The following DPF3 variants were observed in gnomAD, a reference collection of about 807,000 sequenced individuals.
DPF3 encodes the protein zinc finger protein DPF3.
In DPF3, 18 loss-of-function variants were observed where a neutral mutation model predicts 56.8. The ratio of observed to expected loss-of-function variants is 0.32; its 90% CI spans 0.22 to 0.47. The LOEUF is 0.47. DPF3 is among the 20% of genes least tolerant of loss of function. DPF3 has a pLI of 1.00. For missense variants in DPF3, 403 were observed against 488.8 expected (o/e 0.82, Z 1.65); for synonymous variants, 188 against 180.2 (o/e 1.04, Z -0.35).
At chr14:72,825,193 C>G (rs1327528526) in intron 1 of DPF3, among the ~76,000 whole-genome samples, 1 of 152,148 alleles carries the variant, frequency 6.6e-6, no homozygotes, top group Non-Finnish European at 1.5e-5. Context: ...CAGCCTATGC[C>G]TTGTCTTATA....
chr14:72,661,937 C>G (rs1886235148), intron 8 of DPF3: 2 of 974,982 alleles, frequency 2.1e-6, no homozygotes, highest in Admixed American at 6.9e-5. Flanking sequence ...GGGATATATT[C>G]CATCAATAGA....
At chr14:72,642,641 C>G (rs1330047264) in intron 8 of DPF3, among the ~76,000 whole-genome samples, 1 of 152,140 alleles carries the variant, frequency 6.6e-6, no homozygotes, top group African/African-American at 2.4e-5. Context: ...TGGCATGGCC[C>G]GAGGAGACTC....
intron 6 of DPF3, among the ~76,000 whole-genome samples, chr14:72,709,355 G>C (rs1257872465): frequency 6.6e-6 from 1 of 152,166 alleles, no homozygotes; most frequent in Non-Finnish European, 1.5e-5. Context: ...TTTGCCTTTT[G>C]TCACTAATCT....
At chr14:72,746,432 G>C (rs534511401) in intron 3 of DPF3, among the ~76,000 whole-genome samples, 4 of 152,212 alleles carry the variant, frequency 2.6e-5, no homozygotes, top group East Asian at 3.9e-4. Context: ...ACTCAGAAGA[G>C]GATTGGGAAA....
intron 1 of DPF3, among the ~76,000 whole-genome samples, chr14:72,840,899 C>T (rs1884518607): frequency 6.6e-6 from 1 of 152,188 alleles, no homozygotes; most frequent in South Asian, 2.1e-4. Flanking sequence ...CCACATCATC[C>T]TTAAAATTCT....
rs1340324180 is a variant in DPF3, at chr14:72,618,329, GCTGCAGCCCC to G, written c.*958_*967del. On this transcript the variant is annotated 3_prime_UTR_variant, in exon 11 of 11. Coordinates refer to ENST00000556509, the MANE Select transcript of DPF3 (RefSeq NM_001280542.3). ...GCATCAATACTGAAGGTTTCTCAAA[GCTGCAGCCCC>G]CTGTATCCAGCATTCGGACACATGA... 2.6e-5 allele frequency among the ~76,000 whole-genome samples: 4 copies of G among 152,218 alleles called. No homozygotes were observed. The highest frequency in any genetic ancestry group is 1.5e-5 in the Non-Finnish European group (1 of 68,038).
At chr14:72,639,362 T>C (rs1885477033) in intron 8 of DPF3, among the ~76,000 whole-genome samples, 1 of 152,174 alleles carries the variant, frequency 6.6e-6, no homozygotes, top group Admixed American at 6.5e-5. Context: ...AAGGACACCA[T>C]ACTCTTTTGT....
At chr14:72,824,889 CT>C (rs891296121) in intron 1 of DPF3, among the ~76,000 whole-genome samples, 2 of 150,072 alleles carry the variant, frequency 1.3e-5, no homozygotes, top group Non-Finnish European at 1.5e-5. Flanking sequence ...TCCTATATGC[CT>C]TTTTTTTTAT....
rs1044775060 is a variant in DPF3 at position 72,610,339 on chromosome 14, G to A, written c.*8958C>T. ...GTAGGCAGCTCATTCCCAGGGACCT[G>A]GTCATCCTTCCTACCATAGGAGCCA... is the stretch of plus-strand genomic sequence containing the variant. On this transcript the variant is annotated 3_prime_UTR_variant, in exon 11 of 11. Transcript: ENST00000556509. Among the ~76,000 whole-genome samples, 3 of 152,168 alleles carry A rather than the reference G, an allele frequency of 2.0e-5. No individual in the cohort carries two copies. The highest frequency in any genetic ancestry group is 7.2e-5 in the African/African-American group (3 of 41,442).
intron 8 of DPF3, chr14:72,671,487 G>C: frequency 8.9e-7 from 1 of 1,121,608 alleles, no homozygotes; most frequent in Non-Finnish European, 1.3e-6. Context: ...ATCACCTGGT[G>C]ACGGGGATTT....
At chr14:72,767,258 G>A (rs1891326230) in intron 2 of DPF3, among the ~76,000 whole-genome samples, 1 of 152,124 alleles carries the variant, frequency 6.6e-6, no homozygotes, top group African/African-American at 2.4e-5. Flanking sequence ...CCAAGATTCA[G>A]TCAAAGCCAC....
intron 4 of DPF3, among the ~76,000 whole-genome samples, chr14:72,731,195 A>C (rs1400236641): frequency 6.6e-6 from 1 of 151,760 alleles, no homozygotes; most frequent in Non-Finnish European, 1.5e-5. Context: ...GAAAAAGAAA[A>C]AGAAACGGTA....
intron 1 of DPF3, among the ~76,000 whole-genome samples, chr14:72,855,087 A>G (rs1351829844): frequency 6.6e-6 from 1 of 152,214 alleles, no homozygotes; most frequent in Non-Finnish European, 1.5e-5. Context: ...AATATGAAAA[A>G]GTAACAGGTA....
chr14:72,718,666 T>TA (rs1889034647), intron 5 of DPF3, among the ~76,000 whole-genome samples: 1 of 152,120 alleles, frequency 6.6e-6, no homozygotes, highest in African/African-American at 2.4e-5. Context: ...TCATTAGTGG[T>TA]ATGAATATTA....
chr14:72,819,412 A>C (rs1238775811), intron 1 of DPF3, among the ~76,000 whole-genome samples: 1 of 152,238 alleles, frequency 6.6e-6, no homozygotes, highest in Non-Finnish European at 1.5e-5. Context: ...GCTCGTGGCA[A>C]CTTTATTCAT....
At chr14:72,689,724 G>A (rs1415850659) in intron 7 of DPF3, among the ~76,000 whole-genome samples, 1 of 152,200 alleles carries the variant, frequency 6.6e-6, no homozygotes, top group Non-Finnish European at 1.5e-5. Flanking sequence ...GCACACATTC[G>A]GGGCGGCGAG....
chr14:72,613,350 G>A lies in DPF3; in HGVS notation c.*5947C>T, dbSNP rs908502771. ...ATTTTGCTCAATGCCTGGGCTAGAG[G>A]TCATGATAAGTAATTATATCTCTGT... On this transcript the variant is annotated 3_prime_UTR_variant, in exon 11 of 11. Transcript: ENST00000556509. Among the ~76,000 whole-genome samples the A allele has an allele frequency of 6.6e-6, 1 of 152,154 alleles. No individual in the cohort carries two copies. The highest frequency in any genetic ancestry group is 2.4e-5 in the African/African-American group (1 of 41,416).
rs192027631 is a variant in DPF3 at position 72,617,209 on chromosome 14, T to C, written c.*2088A>G. On this transcript the variant is annotated 3_prime_UTR_variant, in exon 11 of 11. Coordinates refer to ENST00000556509, the MANE Select transcript of DPF3 (RefSeq NM_001280542.3). Reference sequence around the variant, plus strand: ...ACTCTGAAGAGGACGTGTGAAGTTGTAGAGCCACAGTTTGGGGTTTCGGAC... The same window carrying C: ...ACTCTGAAGAGGACGTGTGAAGTTGCAGAGCCACAGTTTGGGGTTTCGGAC... Among the ~76,000 whole-genome samples, 160 of 152,358 alleles carry C rather than the reference T, an allele frequency of 1.1e-3. No individual in the cohort carries two copies. The highest frequency in any genetic ancestry group is 3.6e-3 in the African/African-American group (150 of 41,584).
At chr14:72,836,576 A>T (rs917789887) in intron 1 of DPF3, 29 of 953,280 alleles carry the variant, frequency 3.0e-5, no homozygotes, top group Non-Finnish European at 3.6e-5. Flanking sequence ...TCCTTTTATC[A>T]GTCTATCTGG....
Sources: gnomAD v4.1 joint callset for allele counts (sites outside exome capture counted in the v4.1 genomes callset) on GRCh38, gnomAD v4.1.1 for gene constraint, MANE v1.5 for transcripts, NCBI Gene and HGNC (gene_info 2026-07-23, HGNC 2026-07-21) for gene names.